Variants in GLS2 observed in about 807,000 individuals in gnomAD.
GLS2 encodes the protein glutaminase liver isoform, mitochondrial.
In GLS2, 52 loss-of-function variants were observed where a neutral mutation model predicts 79.0. That is an observed-to-expected ratio of 0.66 (90% confidence interval 0.53 to 0.83). The LOEUF (loss-of-function observed/expected upper bound fraction) is 0.83. Ranked by LOEUF, GLS2 falls within the 40% of genes least tolerant of loss-of-function variation. The pLI, the probability that GLS2 is intolerant of heterozygous loss-of-function variation, is 0.00. For synonymous variants in GLS2, 238 were observed against 280.8 expected (o/e 0.85, Z 1.52); for missense variants, 561 against 764.8 (o/e 0.73, Z 3.14).
intron 9 of GLS2, 153 bp from the exon 10 acceptor site, chr12:56,475,263 C>A: frequency 6.4e-7 from 1 of 1,553,898 alleles, no homozygotes. Context: ...GAGGAAATTT[C>A]TGAACCTGAG....
Position 56,474,895 on chromosome 12 carries a change from C to G in GLS2, c.998G>C (p.Cys333Ser). ...CATCATGTCCACCCCCTTAGGAAAG[C>G]ACTGCAAGGAAGAGAGGGGAGAGCA... ...AIGYYLKEKKCFPKGVDMMAA... is the reference protein window; with the variant it reads ...AIGYYLKEKKSFPKGVDMMAA... Residue 333 changes from cysteine (C) to serine (S), a missense_variant and splice_region_variant, in exon 11 of 18, where the codon TGC (cysteine) becomes TCC (serine). Transcript: ENST00000311966. 1 of 1,614,128 alleles carries G rather than the reference C, an allele frequency of 6.2e-7. No homozygotes were observed. The highest frequency in any genetic ancestry group is 8.5e-7 in the Non-Finnish European group (1 of 1,180,020).
intron 16 of GLS2, 116 bp downstream of exon 16, chr12:56,472,003 G>C: frequency 1.5e-6 from 2 of 1,322,180 alleles, no homozygotes; most frequent in East Asian, 2.3e-5. Context: ...AGGGTGTCTA[G>C]ATAAAACTAG....
chr12:56,478,125 GT>G, intron 5 of GLS2, 29 bp from the exon 6 acceptor site: 1 of 1,614,100 alleles, frequency 6.2e-7, no homozygotes, highest in Admixed American at 1.7e-5. Context: ...CATGAAAGGG[GT>G]TGGCCTGTGT....
chr12:56,471,715 C>CTGTGGGTGGCA lies in GLS2; in HGVS notation c.1652+57_1652+58insTGCCACCCACA, dbSNP rs898583622. 4 of 1,610,904 alleles carry CTGTGGGTGGCA rather than the reference C, an allele frequency of 2.5e-6. No homozygotes were observed. The African/African-American group carries it at 5.3e-5, about 22-fold the overall frequency. ...GTGGTTGTATATATTTGCATGGTGGCTGGAGGGTAGGTGGAGAAGCTGTGC... is the reference window on the plus strand; with the variant it reads ...GTGGTTGTATATATTTGCATGGTGGCTGTGGGTGGCATGGAGGGTAGGTGGAGAAGCTGTGC... On this transcript the variant is annotated intron_variant, in intron 17 of 17. Transcript: ENST00000311966.
At chr12:56,473,996 T>G in intron 12 of GLS2, 1 of 178,184 alleles carries the variant, frequency 5.6e-6, no homozygotes, top group East Asian at 1.7e-4. Context: ...AAAGTCTTTC[T>G]TTGGAAATGA....
At position 56,472,682 on chromosome 12, in the gene GLS2, A is replaced by G; in HGVS notation, c.1511+8T>C. On this transcript the variant is annotated splice_region_variant and intron_variant, in intron 15 of 17. Coordinates refer to ENST00000311966, the MANE Select transcript of GLS2 (RefSeq NM_013267.4). ...TTTATTGTGTATATTTGGTCACAGT[A>G]GCATTACCTTCGAAGAGCTGAGACA... The G allele has an allele frequency of 6.2e-7, 1 of 1,612,952 alleles. No individual in the cohort carries two copies. The highest frequency in any genetic ancestry group is 8.5e-7 in the Non-Finnish European group (1 of 1,179,050).
intron 1 of GLS2, among the ~76,000 whole-genome samples, chr12:56,481,041 C>T (rs1420071762): frequency 6.6e-6 from 1 of 152,056 alleles, no homozygotes; most frequent in Non-Finnish European, 1.5e-5. Flanking sequence ...CTGCCTGACA[C>T]AAAGTAAATG....
intron 1 of GLS2, among the ~76,000 whole-genome samples, chr12:56,486,323 G>T (rs980849089): frequency 6.6e-6 from 1 of 152,160 alleles, no homozygotes; most frequent in African/African-American, 2.4e-5. Context: ...GGGAACCAGG[G>T]ATACCTCTAG....
rs371114386 is a variant in GLS2 at position 56,471,680 on chromosome 12, G to A, written c.1653-37C>T. ...AATGATATGATCAGGCAAAGGAGAC[G>A]TGGAGAGTGGTGGTTGTATATATTT... On this transcript the variant is annotated intron_variant, in intron 17 of 17. Transcript: ENST00000311966. 47 of 1,612,546 alleles carry A rather than the reference G, an allele frequency of 2.9e-5. No homozygotes were observed. The African/African-American group carries it at 3.2e-4, about 11-fold the overall frequency.
chr12:56,482,471 A>G (rs1015682735), intron 1 of GLS2, among the ~76,000 whole-genome samples: 34 of 152,186 alleles, frequency 2.2e-4, no homozygotes, highest in African/African-American at 7.5e-4. Context: ...GGCTTCCCCA[A>G]ACCTCCAGAT....
intron 1 of GLS2, among the ~76,000 whole-genome samples, chr12:56,480,965 A>G (rs1685004103): frequency 1.3e-5 from 2 of 152,188 alleles, no homozygotes; most frequent in African/African-American, 4.8e-5. Flanking sequence ...CCTATCTGTA[A>G]TACAAGGGTA....
At position 56,471,424 on chromosome 12, in the gene GLS2, T is replaced by C; in HGVS notation, c.*63A>G. On this transcript the variant is annotated 3_prime_UTR_variant, in exon 18 of 18. Coordinates refer to ENST00000311966, the MANE Select transcript of GLS2 (RefSeq NM_013267.4). ...AGCTCTCCATAGTATTTTTGGTGGT[T>C]ATGGATTACATGTGTGGCCAGCTCA... 1 of 1,521,134 alleles carries C rather than the reference T, an allele frequency of 6.6e-7. No individual in the cohort carries two copies. The highest frequency in any genetic ancestry group is 2.0e-5 in the Admixed American group (1 of 50,058). 94.2% of individuals were successfully genotyped at this position (1,521,134 alleles called of 1,614,324 possible). A position where few individuals can be genotyped will look rare whatever the true frequency, so the allele number is the denominator to read the frequency against.
At chr12:56,478,838 C>T (rs947110100) in intron 4 of GLS2, 9 of 521,280 alleles carry the variant, frequency 1.7e-5, no homozygotes, top group African/African-American at 1.4e-4. Flanking sequence ...ACTAAAAATA[C>T]AAAAATTAGT....
intron 1 of GLS2, among the ~76,000 whole-genome samples, chr12:56,486,232 G>T (rs1325416841): frequency 2.6e-5 from 4 of 151,976 alleles, no homozygotes; most frequent in Non-Finnish European, 4.4e-5. Context: ...ATATGATAGG[G>T]GGTTCCCTGG....
chr12:56,488,146 T>G lies in GLS2; in HGVS notation c.-28A>C. The G allele has an allele frequency of 6.6e-7, 1 of 1,514,770 alleles. No homozygotes were observed. Among genetic ancestry groups the G allele is most frequent in the Non-Finnish European group, 8.8e-7 (1 of 1,140,798 alleles). The allele number at this position is 1,514,770 out of a possible 1,614,324, so 93.8% of individuals were successfully genotyped here. A position where few individuals can be genotyped will look rare whatever the true frequency, so the allele number is the denominator to read the frequency against. On this transcript the variant is annotated 5_prime_UTR_variant, in exon 1 of 18. Transcript: ENST00000311966. ...CCCAGCAAGCCTCCGGCTCTGCAGGTGCGCCCGGGACCTCTAGCTGTGGCT... is the reference window on the plus strand; with the variant it reads ...CCCAGCAAGCCTCCGGCTCTGCAGGGGCGCCCGGGACCTCTAGCTGTGGCT...
rs1204856427 is a variant in GLS2, at chr12:56,488,146, T to C, written c.-28A>G. Reference sequence around the variant, plus strand: ...CCCAGCAAGCCTCCGGCTCTGCAGGTGCGCCCGGGACCTCTAGCTGTGGCT... The same window carrying C: ...CCCAGCAAGCCTCCGGCTCTGCAGGCGCGCCCGGGACCTCTAGCTGTGGCT... On this transcript the variant is annotated 5_prime_UTR_variant, in exon 1 of 18. Transcript: ENST00000311966. 3 of 1,514,770 alleles carry C rather than the reference T, an allele frequency of 2.0e-6. No homozygotes were observed. In the African/African-American group the frequency reaches 4.2e-5, roughly 21 times the overall value. 93.8% of individuals were successfully genotyped at this position (1,514,770 alleles called of 1,614,324 possible).
intron 14 of GLS2, 44 bp downstream of exon 14, chr12:56,473,184 T>C (rs762810451): frequency 5.1e-6 from 8 of 1,578,796 alleles, no homozygotes; most frequent in South Asian, 2.2e-5. Context: ...CCACCGCACC[T>C]GGCCTTTGAA....
intron 9 of GLS2, 114 bp from the exon 10 acceptor site, chr12:56,475,224 C>A (rs1380005022): frequency 1.9e-6 from 3 of 1,599,000 alleles, no homozygotes; most frequent in Non-Finnish European, 2.5e-6. Flanking sequence ...ACTAAATGAA[C>A]CCCTTTATAA....
chr12:56,478,015 G>A lies in GLS2; in HGVS notation c.696C>T (p.Thr232=), dbSNP rs546154900. 9 of 1,614,196 alleles carry A rather than the reference G, an allele frequency of 5.6e-6. No homozygotes were observed. Among genetic ancestry groups the A allele is most frequent in the East Asian group, 2.2e-5 (1 of 44,876 alleles). ...ACTTGTGCACGTAGTCAGTGCCTAG[G>A]GTGCTTATGGAGATGGCATAGGTGA... The part of the protein sequence containing the change: ...KPLTYAISIS[T]LGTDYVHKFV... The change falls in exon 6 of 18, where the codon ACC becomes ACT. Residue 232 remains threonine, a synonymous_variant. Coordinates refer to ENST00000311966, the MANE Select transcript of GLS2 (RefSeq NM_013267.4).
Sources: gnomAD v4.1 joint callset for allele counts (sites outside exome capture counted in the v4.1 genomes callset) on GRCh38, gnomAD v4.1.1 for gene constraint, MANE v1.5 for transcripts, NCBI Gene and HGNC (gene_info 2026-07-23, HGNC 2026-07-21) for gene names.